NEBL: variants seen among roughly 807,000 people sequenced by gnomAD.
The protein encoded by NEBL is LIM and SH3 protein 2.
NEBL carries 122 observed loss-of-function variants against 140.2 expected under a neutral mutation model. The observed-to-expected ratio is 0.87, with a 90% CI of 0.75 to 1.01. NEBL has a LOEUF of 1.01. NEBL is among the 50% of genes least tolerant of loss of function. The pLI is 0.00. For missense variants in NEBL, 1,365 were observed against 1,231.3 expected, an observed-to-expected ratio of 1.11 and a Z score of -1.62; for synonymous variants, 436 against 398.9, an observed-to-expected ratio of 1.09 and a Z score of -1.11.
intron 3 of NEBL, among the ~76,000 whole-genome samples, chr10:21,001,057 C>T (rs1268545403): frequency 6.6e-6 from 1 of 152,082 alleles, no homozygotes; most frequent in Non-Finnish European, 1.5e-5. Flanking sequence ...AATGCAGGTC[C>T]CCATGAGCTT....
rs530749226 is a variant in NEBL at position 21,077,868 on chromosome 10, C to T, written c.165-57667G>A. 1.6e-4 allele frequency among the ~76,000 whole-genome samples: 25 copies of T among 152,180 alleles called. 1 individual carries two copies. The East Asian group carries it at 4.6e-3, about 28-fold the overall frequency. The stretch of plus-strand genomic sequence containing the variant: ...GCAGAACTGATAGACCTTTCAACAG[C>T]CCGAGCTATGGGCTTCCCACACTAT... On this transcript the variant is annotated intron_variant, in intron 2 of 6. Transcript: ENST00000417816.
chr10:20,877,334 C>A (rs1349221417), intron 5 of NEBL, among the ~76,000 whole-genome samples: 1 of 152,152 alleles, frequency 6.6e-6, no homozygotes, highest in Non-Finnish European at 1.5e-5. Context: ...GCAACGTGTG[C>A]CCAAGAAACA....
chr10:21,067,235 T>C (rs1190685350), intron 2 of NEBL, among the ~76,000 whole-genome samples: 1 of 152,118 alleles, frequency 6.6e-6, no homozygotes, highest in African/African-American at 2.4e-5. Flanking sequence ...CCTCCCAAAG[T>C]GCTGAGATTA....
intron 4 of NEBL, among the ~76,000 whole-genome samples, chr10:20,927,836 G>T (rs1368833826): frequency 1.3e-5 from 2 of 152,052 alleles, no homozygotes; most frequent in African/African-American, 2.4e-5. Flanking sequence ...GCTTCTCGTG[G>T]TAAGATATGA....
chr10:20,959,797 G>T (rs760200779), intron 4 of NEBL, among the ~76,000 whole-genome samples: 7 of 151,682 alleles, frequency 4.6e-5, no homozygotes, highest in Non-Finnish European at 8.8e-5. Flanking sequence ...TTTAAAAAAA[G>T]ATGTTGTCTA....
rs929927798 is a variant in NEBL, at chr10:21,269,931, G to A, written n.183-18103C>T. Among the ~76,000 whole-genome samples the A allele has an allele frequency of 3.3e-5, 5 of 152,238 alleles. No individual in the cohort carries two copies. In the East Asian group the frequency reaches 5.8e-4, roughly 18 times the overall value. ...CAGCTAGGAAAATGGGTCAATGTAC[G>A]GAATTAACCTGAAAGAAATTTGAGG... On this transcript the variant is annotated intron_variant and non_coding_transcript_variant, in intron 1 of 8. Transcript: ENST00000675702.
chr10:20,836,629 C>T (rs138045393), intron 13 of NEBL, among the ~76,000 whole-genome samples: 156 of 152,216 alleles, frequency 1.0e-3, no homozygotes, highest in African/African-American at 3.5e-3. Flanking sequence ...GGGGTGGAGC[C>T]ACAGAAGTTC....
At chr10:20,946,638 G>A (rs1447743863) in intron 4 of NEBL, among the ~76,000 whole-genome samples, 2 of 152,084 alleles carry the variant, frequency 1.3e-5, no homozygotes, top group Non-Finnish European at 2.9e-5. Context: ...ACATTTGTAT[G>A]TTTGGTAGAG....
intron 2 of NEBL, among the ~76,000 whole-genome samples, chr10:21,053,211 C>T (rs1834854319): frequency 6.6e-6 from 1 of 152,184 alleles, no homozygotes; most frequent in South Asian, 2.1e-4. Flanking sequence ...ACGTTCTTTC[C>T]CCCCTACCAT....
At chr10:20,796,021 A>G (rs1168177584) in intron 26 of NEBL, among the ~76,000 whole-genome samples, 1 of 152,226 alleles carries the variant, frequency 6.6e-6, no homozygotes, top group Admixed American at 6.5e-5. Flanking sequence ...ACATATGCAG[A>G]CATTACATTT....
At chr10:20,901,033 A>G (rs1048766944), upstream of NEBL, among the ~76,000 whole-genome samples, 13 of 152,014 alleles carry the variant, frequency 8.6e-5, no homozygotes, top group Non-Finnish European at 4.4e-5. Flanking sequence ...AAATAAAAAG[A>G]AAAAGCACCT....
chr10:21,043,692 C>A (rs1256741998), intron 2 of NEBL, among the ~76,000 whole-genome samples: 1 of 152,102 alleles, frequency 6.6e-6, no homozygotes, highest in East Asian at 1.9e-4. Context: ...AACTGTCACT[C>A]CCCAGCAACA....
intron 3 of NEBL, among the ~76,000 whole-genome samples, chr10:20,980,306 A>T (rs968772758): frequency 6.8e-6 from 1 of 146,354 alleles, no homozygotes; most frequent in Non-Finnish European, 1.5e-5. Flanking sequence ...TTGTTCAGAA[A>T]CATAAAAAAG....
At chr10:20,961,640 G>A (rs959869804) in intron 4 of NEBL, 25 of 1,428,690 alleles carry the variant, frequency 1.7e-5, no homozygotes, top group Non-Finnish European at 2.3e-5. Flanking sequence ...GCACATCAGA[G>A]CCATCATGCT....
chr10:20,827,515 T>G (rs1267216360), intron 17 of NEBL, among the ~76,000 whole-genome samples: 1 of 152,252 alleles, frequency 6.6e-6, no homozygotes, highest in Non-Finnish European at 1.5e-5. Context: ...TCCTTAACTA[T>G]TAATGACTGA....
In NEBL at chr10:21,173,104, C is replaced by G. The variant is rs889295321; in HGVS notation, c.70-627G>C. ...CTCCGGATCGCTCCTGGGTGTCTCT[C>G]TCCCGGGCTGTTCATCTCCGTCCCT... On this transcript the variant is annotated intron_variant, in intron 1 of 6. Coordinates refer to the NEBL transcript ENST00000417816. This position sits in a 1 kb window ranked among gnomAD's most constrained non-coding sequence, Gnocchi z 5.7. Among the ~76,000 whole-genome samples, 1 of 152,178 alleles carries G rather than the reference C, an allele frequency of 6.6e-6. No homozygotes were observed. The highest frequency in any genetic ancestry group is 1.5e-5 in the Non-Finnish European group (1 of 68,034).
At chr10:20,811,601 G>A (rs1212535235) in intron 24 of NEBL, among the ~76,000 whole-genome samples, 4 of 152,162 alleles carry the variant, frequency 2.6e-5, no homozygotes, top group Non-Finnish European at 5.9e-5. Context: ...AATACTTCCA[G>A]AGTCACTTTA....
chr10:21,179,845 A>C (rs778592191), upstream of NEBL, among the ~76,000 whole-genome samples: 3 of 152,106 alleles, frequency 2.0e-5, no homozygotes, highest in Non-Finnish European at 4.4e-5. Context: ...AGAAACTAGA[A>C]ATGGCAAGGA....
At chr10:20,830,440 C>A (rs1302643905) in intron 16 of NEBL, among the ~76,000 whole-genome samples, 3 of 152,022 alleles carry the variant, frequency 2.0e-5, no homozygotes, top group Admixed American at 6.6e-5. Context: ...TAAATAAATT[C>A]TTCTTCCATA....
Sources: allele counts gnomAD v4.1 joint callset (sites outside exome capture counted in the v4.1 genomes callset), GRCh38; gene constraint gnomAD v4.1.1; non-coding constraint Gnocchi (gnomAD v3.1); transcripts MANE v1.5; gene names NCBI Gene and HGNC (gene_info 2026-07-23, HGNC 2026-07-21).